The following FBF1 variants were observed in gnomAD, a reference collection of about 807,000 sequenced individuals.
The protein encoded by FBF1 is fas-binding factor 1.
FBF1 carries 119 observed loss-of-function variants against 147.2 expected under a neutral mutation model. That is an observed-to-expected ratio of 0.81 (90% CI 0.70 to 0.94). The LOEUF (loss-of-function observed/expected upper bound fraction) is 0.94, where lower values mean the gene tolerates loss of function less well. Among genes scored for constraint, FBF1 ranks in the 40% least tolerant of loss-of-function variants. FBF1 has a pLI of 0.00. For missense variants in FBF1, 1,449 were observed against 1,500.8 expected (o/e 0.97, Z 0.57); for synonymous variants, 601 against 609.0 (o/e 0.99, Z 0.19).
intron 29 of FBF1, among the ~76,000 whole-genome samples, chr17:75,911,240 G>A (rs998826493): frequency 7.2e-5 from 11 of 152,114 alleles, no homozygotes; most frequent in African/African-American, 2.2e-4. Flanking sequence ...AGGCAACATC[G>A]TGAGACCCCA....
chr17:75,912,194 G>C lies in FBF1; in HGVS notation c.3361C>G (p.Gln1121Glu), dbSNP rs933396032. Reference protein sequence around the residue: ...RLALLRHMAEQDRDFLENEQF... With the variant: ...RLALLRHMAEEDRDFLENEQF... ...CCCCAAGGCCAGGAGAGACTCACCTGCTCTGCCATGTGCCTCAGCAGTGCC... is the reference window on the plus strand; with the variant it reads ...CCCCAAGGCCAGGAGAGACTCACCTCCTCTGCCATGTGCCTCAGCAGTGCC... The change falls in exon 29 of 30, where the codon CAG (glutamine) becomes GAG (glutamate). Residue 1121 changes from glutamine to glutamate, a missense_variant and splice_region_variant. By Grantham distance (29) the Gln-to-Glu change is conservative. Transcript: ENST00000636174. The C allele has an allele frequency of 6.2e-7, 1 of 1,606,092 alleles. No individual in the cohort carries two copies. Among genetic ancestry groups the C allele is most frequent in the Non-Finnish European group, 8.5e-7 (1 of 1,177,120 alleles).
rs2065543318 is a variant in FBF1 at position 75,923,682 on chromosome 17, C to T, written c.969-41G>A. 8.6e-6 allele frequency: 13 copies of T among 1,518,700 alleles called. No homozygotes were observed. Among genetic ancestry groups the T allele is most frequent in the African/African-American group, 1.4e-5 (1 of 73,068 alleles). 94.1% of individuals were successfully genotyped at this position (1,518,700 alleles called of 1,614,324 possible). On this transcript the variant is annotated intron_variant, in intron 13 of 29. Transcript: ENST00000636174. The surrounding 1 kb of genome is among the most constrained non-coding windows in gnomAD (Gnocchi z 4.1). ...GAGGGTGTCAGGCAGGGGAAACAGCCAGTCCCAGTGGCCCCCTAGCAGCCT... is the reference window on the plus strand; with the variant it reads ...GAGGGTGTCAGGCAGGGGAAACAGCTAGTCCCAGTGGCCCCCTAGCAGCCT...
chr17:75,927,042 A>G (rs988627686), intron 9 of FBF1, among the ~76,000 whole-genome samples, 165 bp from the exon 10 acceptor site: 2 of 152,160 alleles, frequency 1.3e-5, no homozygotes, highest in African/African-American at 2.4e-5. Flanking sequence ...GGACTCCACA[A>G]AAAGACAGGC....
rs1280882627 is a variant in FBF1 at position 75,914,202 on chromosome 17, G to T, written c.2911C>A (p.Leu971Met). Residue 971 changes from leucine to methionine, a missense_variant, in exon 26 of 30, where the codon CTG becomes ATG. Leu to Met is a conservative substitution (Grantham distance 15). Transcript: ENST00000636174. ...RAALEQERQE[L>M]RLEKERINAT... Reference sequence around the variant, plus strand: ...TTGATCCTCTCCTTCTCCAGCCGCAGCTCCTGCCGCTCCTGCTCCAGGGCT... The same window carrying T: ...TTGATCCTCTCCTTCTCCAGCCGCATCTCCTGCCGCTCCTGCTCCAGGGCT... 2 of 1,590,442 alleles carry T rather than the reference G, an allele frequency of 1.3e-6. No homozygotes were observed. The highest frequency in any genetic ancestry group is 1.3e-5 in the African/African-American group (1 of 74,550).
At position 75,920,391 on chromosome 17, in the gene FBF1, C is replaced by A; in HGVS notation, c.1713G>T (p.Pro571=). The change falls in exon 18 of 30, where the codon CCG becomes CCT. Residue 571 remains proline, a synonymous_variant. Transcript: ENST00000636174. ...GGAGCTGCTTCTGGTATTCTGTGCT[C>A]GGCAGCAGGCTCCGGGCCAGGGACT... ...LPESLARSLL[P]STEYQKQLLA... is the part of the protein sequence containing the mutation. The A allele has an allele frequency of 1.2e-6, 2 of 1,606,336 alleles. No homozygotes were observed. Among genetic ancestry groups the A allele is most frequent in the Non-Finnish European group, 1.7e-6 (2 of 1,176,944 alleles).
Position 75,926,096 on chromosome 17 carries a change from G to C in FBF1, c.802C>G (p.Leu268Val), listed in dbSNP as rs763692841. 63 of 1,612,168 alleles carry C rather than the reference G, an allele frequency of 3.9e-5. No individual in the cohort carries two copies. The highest frequency in any genetic ancestry group is 5.3e-5 in the Non-Finnish European group (63 of 1,179,628). Residue 268 changes from leucine (L) to valine (V), a missense_variant, in exon 12 of 30, where the codon CTG becomes GTG. Physicochemically the swap from Leu to Val is conservative, Grantham distance 32. Transcript: ENST00000636174. ...LLGRGMATKL[L>V]ARPGTGEHRE... Reference sequence around the variant, plus strand: ...TGCTCCCCGGTGCCCGGGCGGGCCAGGAGTTTGGTGGCCATGCCTCGACCC... The same window carrying C: ...TGCTCCCCGGTGCCCGGGCGGGCCACGAGTTTGGTGGCCATGCCTCGACCC...
At chr17:75,921,202 C>T in intron 17 of FBF1, 42 bp downstream of exon 17, 1 of 1,551,210 alleles carries the variant, frequency 6.4e-7, no homozygotes, top group South Asian at 1.2e-5. Flanking sequence ...TGGAGAATTG[C>T]TCCCTAGGCC....
intron 4 of FBF1, 107 bp from the exon 5 acceptor site, chr17:75,933,195 A>G: frequency 1.2e-6 from 1 of 814,948 alleles, no homozygotes; most frequent in Non-Finnish European, 1.9e-6. Flanking sequence ...ATTAGGAGGA[A>G]GAAATCTGGC....
rs966116627 is a variant in FBF1, at chr17:75,923,592, T to G, written c.1018A>C (p.Lys340Gln). The G allele has an allele frequency of 1.9e-6, 3 of 1,610,566 alleles. No homozygotes were observed. The highest frequency in any genetic ancestry group is 2.5e-6 in the Non-Finnish European group (3 of 1,178,894). ...CTGGAAGCCATTGGAGGGCTCTGTT[T>G]GGAGCCTGGTTCTCCCTTGGGGTCT... ...GADPKGEPGS[K>Q]QSPPMASSPI... Residue 340 changes from lysine to glutamine, a missense_variant, in exon 14 of 30, where the codon AAA becomes CAA. Lys to Gln is a moderately conservative substitution (Grantham distance 53). Transcript: ENST00000636174. The surrounding 1 kb of genome is among the most constrained non-coding windows in gnomAD (Gnocchi z 4.1).
chr17:75,929,955 A>ACCCCCCC, intron 7 of FBF1, 42 bp downstream of exon 7: 1 of 228,256 alleles, frequency 4.4e-6, no homozygotes, highest in South Asian at 3.0e-5. Flanking sequence ...ACCCCACCCC[A>ACCCCCCC]CCCACCCCCA....
In FBF1 at chr17:75,923,721, A is replaced by G; in HGVS notation, c.969-80T>C. On this transcript the variant is annotated intron_variant, in intron 13 of 29. Transcript: ENST00000636174. The surrounding 1 kb of genome is among the most constrained non-coding windows in gnomAD (Gnocchi z 4.1). ...CCCTAGCAGCCTGCAGCTGGGCGTC[A>G]CGATGCCCAGGGACCCTGCACAGTC... 2.9e-6 allele frequency: 4 copies of G among 1,363,148 alleles called. No individual in the cohort carries two copies. The highest frequency in any genetic ancestry group is 3.0e-6 in the Non-Finnish European group (3 of 1,010,882). The allele number at this position is 1,363,148 out of a possible 1,614,324, so 84.4% of individuals were successfully genotyped here.
In FBF1 at chr17:75,925,925, T is replaced by A. The variant is rs1291028279; in HGVS notation, c.868+105A>T. On this transcript the variant is annotated intron_variant, in intron 12 of 29. Transcript: ENST00000636174. The surrounding 1 kb of genome is among the most constrained non-coding windows in gnomAD (Gnocchi z 5.0). ...TCAGCTATAGACGTGTATAATCACA[T>A]GTGTGTATCAGGATGTGAGGCTGAT... 1 of 1,404,734 alleles carries A rather than the reference T, an allele frequency of 7.1e-7. No individual in the cohort carries two copies. The highest frequency in any genetic ancestry group is 1.4e-5 in the African/African-American group (1 of 69,192). The allele number at this position is 1,404,734 out of a possible 1,614,324, so 87.0% of individuals were successfully genotyped here.
At chr17:75,913,230 C>T (rs1325121093) in intron 28 of FBF1, among the ~76,000 whole-genome samples, 1 of 149,754 alleles carries the variant, frequency 6.7e-6, no homozygotes, top group Non-Finnish European at 1.5e-5. Context: ...CTTACTGCAA[C>T]CTCCACTTCT....
At position 75,910,898 on chromosome 17, in the gene FBF1, C is replaced by A; in HGVS notation, c.3364-92G>T. On this transcript the variant is annotated intron_variant, in intron 29 of 29. Coordinates refer to ENST00000636174, the MANE Select transcript of FBF1 (RefSeq NM_001319193.2). This position sits in a 1 kb window ranked among gnomAD's most constrained non-coding sequence, Gnocchi z 4.1. ...TAGCTGAGCCAGCCGTCACTGAGGC[C>A]CCTCCCCACATCGTCCCTGACTCTG... 1 of 1,088,042 alleles carries A rather than the reference C, an allele frequency of 9.2e-7. No individual in the cohort carries two copies. 67.4% of individuals were successfully genotyped at this position (1,088,042 alleles called of 1,614,324 possible).
intron 4 of FBF1, among the ~76,000 whole-genome samples, chr17:75,934,491 G>A (rs2065611910): frequency 6.6e-6 from 1 of 151,334 alleles, no homozygotes; most frequent in South Asian, 2.1e-4. Context: ...AACTCAGGAG[G>A]CAGAGGCAGA....
At chr17:75,917,626 A>T (rs2065496172) in intron 23 of FBF1, 106 bp downstream of exon 23, 11 of 1,028,062 alleles carry the variant, frequency 1.1e-5, no homozygotes, top group Non-Finnish European at 1.5e-5. Flanking sequence ...TGGGGCCTTG[A>T]CCTCCTGAGG....
At chr17:75,936,293 G>A (rs2065624605) in intron 3 of FBF1, among the ~76,000 whole-genome samples, 1 of 151,888 alleles carries the variant, frequency 6.6e-6, no homozygotes, top group Non-Finnish European at 1.5e-5. Flanking sequence ...CAGCCTGGGC[G>A]ACAGAGCGAT....
In FBF1 at chr17:75,923,204, C is replaced by A. The variant is rs61744844; in HGVS notation, c.1406G>T (p.Gly469Val). The A allele has an allele frequency of 1.9e-3, 3,089 of 1,585,868 alleles. 43 individuals carry two copies. The African/African-American group carries it at 0.036, about 18-fold the overall frequency. ...SEGLHLAGTA[G>V]HPPSGSQPLT... ...TCAGTACCTGCCAGAAGGGGGATGG[C>A]CCGCTGTCCCCGCCAAATGCAGGCC... Residue 469 changes from glycine to valine, a missense_variant, in exon 14 of 30, where the codon GGC becomes GTC. Coordinates refer to ENST00000636174, the MANE Select transcript of FBF1 (RefSeq NM_001319193.2). The surrounding 1 kb of genome is among the most constrained non-coding windows in gnomAD (Gnocchi z 4.1).
At chr17:75,940,141 T>A (rs891467768) in intron 1 of FBF1, among the ~76,000 whole-genome samples, 1 of 151,508 alleles carries the variant, frequency 6.6e-6, no homozygotes, top group Non-Finnish European at 1.5e-5. Context: ...AGACGGGGTT[T>A]CACTGTTGGC....
Sources: gnomAD v4.1 joint callset for allele counts (sites outside exome capture counted in the v4.1 genomes callset) on GRCh38, gnomAD v4.1.1 for gene constraint, Gnocchi (gnomAD v3.1) non-coding constraint, MANE v1.5 for transcripts, NCBI Gene and HGNC (gene_info 2026-07-23, HGNC 2026-07-21) for gene names.